ITGB3BP: variants seen among roughly 807,000 people sequenced by gnomAD.
The protein encoded by ITGB3BP is centromere protein R.
ITGB3BP carries 27 observed loss-of-function variants against 29.1 expected under a neutral mutation model. That is an observed-to-expected ratio of 0.93 (90% CI 0.68 to 1.28). ITGB3BP has a LOEUF of 1.28. ITGB3BP is among the 50% of genes most tolerant of loss of function. The probability of loss-of-function intolerance (pLI) is 0.00; values close to 1 mark genes in which losing one functional copy is unlikely to be tolerated. For missense variants in ITGB3BP, 192 were observed against 200.2 expected (o/e 0.96, Z 0.25); for synonymous variants, 61 against 61.4 (o/e 0.99, Z 0.03).
intron 4 of ITGB3BP, among the ~76,000 whole-genome samples, chr1:63,477,241 C>CTA (rs1240691543): frequency 1.3e-5 from 2 of 152,206 alleles, no homozygotes; most frequent in Non-Finnish European, 2.9e-5. Flanking sequence ...ACTACCAAAA[C>CTA]TATATAGTTC....
intron 3 of ITGB3BP, among the ~76,000 whole-genome samples, chr1:63,480,808 T>C (rs1048424760): frequency 1.2e-4 from 18 of 152,030 alleles, no homozygotes; most frequent in African/African-American, 4.1e-4. Context: ...ACAGAATAAA[T>C]TAATATGGTT....
rs189900014 is a variant in ITGB3BP, at chr1:63,510,339, C to T, written c.6-1769G>A. On this transcript the variant is annotated intron_variant, in intron 1 of 8. Transcript: ENST00000271002. ...CTGATATTAACTGTTCAAAATATTG[C>T]TTTGTTATCAATGGTTAATTCTTAG... Among the ~76,000 whole-genome samples the T allele has an allele frequency of 1.3e-3, 199 of 151,878 alleles. 1 individual carries two copies. The highest frequency in any genetic ancestry group is 4.6e-3 in the African/African-American group (190 of 41,238).
chr1:63,467,448 C>A (rs1209429553), intron 4 of ITGB3BP, among the ~76,000 whole-genome samples: 2 of 151,892 alleles, frequency 1.3e-5, no homozygotes, highest in African/African-American at 2.4e-5. Context: ...CTCCTGGGCC[C>A]TAGTGATCCT....
intron 4 of ITGB3BP, among the ~76,000 whole-genome samples, chr1:63,456,102 G>A (rs184625109): frequency 1.1e-3 from 171 of 151,784 alleles, no homozygotes; most frequent in African/African-American, 3.9e-3. Context: ...GATTTTATGA[G>A]AGAAACCAGA....
At chr1:63,515,485 A>G (rs1570328831) in intron 1 of ITGB3BP, among the ~76,000 whole-genome samples, 1 of 152,138 alleles carries the variant, frequency 6.6e-6, no homozygotes, top group South Asian at 2.1e-4. Flanking sequence ...AAATTTTGAA[A>G]TCAGTTTTCA....
intron 4 of ITGB3BP, among the ~76,000 whole-genome samples, chr1:63,461,481 T>C (rs1163451189): frequency 1.3e-5 from 2 of 152,162 alleles, no homozygotes; most frequent in African/African-American, 2.4e-5. Context: ...TAAAGTCAAA[T>C]TTATTTTTTC....
chr1:63,507,917 C>G (rs1299692820), intron 2 of ITGB3BP, among the ~76,000 whole-genome samples: 2 of 152,110 alleles, frequency 1.3e-5, no homozygotes, highest in African/African-American at 2.4e-5. Flanking sequence ...GTGTTTCTAT[C>G]TAGATCCATA....
chr1:63,515,743 T>C (rs1279873529), intron 1 of ITGB3BP, among the ~76,000 whole-genome samples: 1 of 144,828 alleles, frequency 6.9e-6, no homozygotes, highest in Admixed American at 7.2e-5. Context: ...GGAGAATCAC[T>C]TGAACTCGGG....
intron 4 of ITGB3BP, among the ~76,000 whole-genome samples, chr1:63,469,293 C>A (rs1446352625): frequency 6.6e-6 from 1 of 151,804 alleles, no homozygotes; most frequent in Non-Finnish European, 1.5e-5. Flanking sequence ...ATCTCCTTTA[C>A]TTATACCTAC....
intron 1 of ITGB3BP, among the ~76,000 whole-genome samples, chr1:63,510,627 GAAGAAATCTAAGA>G (rs1646179977): frequency 6.6e-6 from 1 of 152,084 alleles, no homozygotes; most frequent in Admixed American, 6.6e-5. Flanking sequence ...GACAAGACTA[GAAGAAATCTAAGA>G]AATCACTTAG....
intron 3 of ITGB3BP, among the ~76,000 whole-genome samples, chr1:63,484,518 G>A (rs562357738): frequency 6.6e-6 from 1 of 152,050 alleles, no homozygotes; most frequent in East Asian, 1.9e-4. Context: ...TTATTTAGAA[G>A]TTTCTTGGTT....
At chr1:63,449,551 T>G (rs1644834460) in intron 7 of ITGB3BP, 1 of 152,320 alleles carries the variant, frequency 6.6e-6, no homozygotes, top group Admixed American at 6.6e-5. Context: ...CCCAAAACAA[T>G]GACGAATCGT....
intron 2 of ITGB3BP, 36 bp from the exon 3 acceptor site, chr1:63,490,254 A>G: frequency 7.1e-7 from 1 of 1,417,536 alleles, no homozygotes; most frequent in Non-Finnish European, 9.8e-7. Flanking sequence ...AGAAATAGCT[A>G]TGTTTAGTTA....
At chr1:63,506,094 G>A (rs1248528811) in intron 2 of ITGB3BP, among the ~76,000 whole-genome samples, 2 of 152,098 alleles carry the variant, frequency 1.3e-5, no homozygotes, top group Non-Finnish European at 2.9e-5. Context: ...TCGTTGATCT[G>A]TCTAATGTTG....
chr1:63,486,726 G>T (rs189083139), intron 3 of ITGB3BP, among the ~76,000 whole-genome samples: 3 of 152,070 alleles, frequency 2.0e-5, no homozygotes, highest in East Asian at 3.9e-4. Context: ...ATCACTAGTG[G>T]CACTTTATGT....
intron 2 of ITGB3BP, among the ~76,000 whole-genome samples, chr1:63,505,962 G>A (rs1318064319): frequency 6.6e-6 from 1 of 152,142 alleles, no homozygotes; most frequent in Non-Finnish European, 1.5e-5. Flanking sequence ...AATAAGTGTG[G>A]TGTGGTGCTG....
At chr1:63,527,182 G>T (rs529418168), upstream of ITGB3BP, among the ~76,000 whole-genome samples, 23 of 152,188 alleles carry the variant, frequency 1.5e-4, no homozygotes, top group African/African-American at 5.5e-4. Flanking sequence ...AGTTTAACAT[G>T]CCTTCCACTA....
rs72676163 is a variant in ITGB3BP at position 63,443,901 on chromosome 1, G to T, written c.*2-2798C>A. Among the ~76,000 whole-genome samples, 1,289 of 152,224 alleles carry T rather than the reference G, an allele frequency of 8.5e-3. 7 individuals are homozygous for T. The highest frequency in any genetic ancestry group is 0.015 in the Non-Finnish European group (989 of 68,006). On this transcript the variant is annotated intron_variant, in intron 8 of 8. Transcript: ENST00000271002. Reference sequence around the variant, plus strand: ...TATACTTGGGGGACATTGTATGGCAGCTGAGATTGTGGGTTTATAGCCCAG... The same window carrying T: ...TATACTTGGGGGACATTGTATGGCATCTGAGATTGTGGGTTTATAGCCCAG...
At chr1:63,484,761 G>T (rs949257515) in intron 3 of ITGB3BP, among the ~76,000 whole-genome samples, 13 of 152,038 alleles carry the variant, frequency 8.6e-5, no homozygotes, top group Non-Finnish European at 1.9e-4. Flanking sequence ...TGTACAACTT[G>T]TCTATGTCCT....
Sources: allele counts gnomAD v4.1 joint callset (sites outside exome capture counted in the v4.1 genomes callset), GRCh38; gene constraint gnomAD v4.1.1; transcripts MANE v1.5; gene names NCBI Gene and HGNC (gene_info 2026-07-23, HGNC 2026-07-21).